The following MAST4 variants were observed in gnomAD, a reference collection of about 807,000 sequenced individuals.
MAST4 encodes microtubule-associated serine/threonine-protein kinase 4.
A neutral mutation model predicts 162.7 loss-of-function variants in MAST4; 89 were observed. The ratio of observed to expected loss-of-function variants is 0.55; its 90% CI spans 0.46 to 0.65. MAST4 has a LOEUF of 0.65. Among genes scored for constraint, MAST4 ranks in the 30% least tolerant of loss-of-function variants. MAST4 has a pLI of 0.00. For missense variants in MAST4, 3,153 were observed against 3,374.0 expected, an observed-to-expected ratio of 0.93 and a Z score of 1.62; for synonymous variants, 1,479 against 1,361.1, an observed-to-expected ratio of 1.09 and a Z score of -1.91.
At position 67,164,040 on chromosome 5, in the gene MAST4, T is replaced by A. The variant is rs1306318788; in HGVS notation, c.4861T>A (p.Ser1621Thr). The change falls in exon 29 of 29, where the codon TCG becomes ACG. Residue 1621 changes from serine (S) to threonine (T), a missense_variant. Ser to Thr is a moderately conservative substitution (Grantham distance 58). Transcript: ENST00000403625. This position sits in a 1 kb window ranked among gnomAD's most constrained non-coding sequence, Gnocchi z 5.3. The stretch of plus-strand genomic sequence containing the variant: ...CGTGCGCGCCAGCGAGGGTGCGATG[T>A]CGGATGGCCGGGTGCCTGCGGAGCA... ...ASVRASEGAM[S>T]DGRVPAEHRQ... The A allele has an allele frequency of 1.3e-5, 20 of 1,579,924 alleles. No individual in the cohort carries two copies. Among genetic ancestry groups the A allele is most frequent in the Admixed American group, 1.8e-5 (1 of 54,764 alleles).
chr5:66,616,390 A>T (rs753720623), intron 1 of MAST4, among the ~76,000 whole-genome samples: 2 of 152,186 alleles, frequency 1.3e-5, no homozygotes, highest in Non-Finnish European at 2.9e-5. Flanking sequence ...AATAATACAT[A>T]GGAATTAGTT....
At chr5:66,800,522 C>G (rs892206725) in intron 3 of MAST4, among the ~76,000 whole-genome samples, 1 of 151,894 alleles carries the variant, frequency 6.6e-6, no homozygotes, top group Non-Finnish European at 1.5e-5. Flanking sequence ...GTTGGGAACA[C>G]CAGACACTGG....
intron 3 of MAST4, among the ~76,000 whole-genome samples, chr5:66,867,897 A>T (rs1331054410): frequency 2.0e-5 from 3 of 152,250 alleles, no homozygotes; most frequent in South Asian, 4.1e-4. Context: ...CTGATATCTC[A>T]GTCTGGAATG....
chr5:66,793,630 A>G (rs1488647067), intron 3 of MAST4, among the ~76,000 whole-genome samples: 1 of 152,128 alleles, frequency 6.6e-6, no homozygotes, highest in Non-Finnish European at 1.5e-5. Flanking sequence ...TATTCACTCC[A>G]TTTGTACTTG....
At chr5:66,711,699 G>A (rs1321582121) in intron 1 of MAST4, among the ~76,000 whole-genome samples, 1 of 152,144 alleles carries the variant, frequency 6.6e-6, no homozygotes, top group Admixed American at 6.5e-5. Flanking sequence ...GCTGGGCATG[G>A]TGGTGGGCGT....
chr5:66,963,914 G>T (rs1746330316), intron 4 of MAST4: 2 of 750,054 alleles, frequency 2.7e-6, no homozygotes, highest in Non-Finnish European at 2.5e-6. Context: ...TGGTTGAATT[G>T]TTTACTTGGT....
intron 1 of MAST4, among the ~76,000 whole-genome samples, chr5:66,625,263 C>A (rs1489566491): frequency 1.3e-5 from 2 of 152,104 alleles, no homozygotes; most frequent in Non-Finnish European, 2.9e-5. Context: ...TGGGAGAAAA[C>A]CTACCTCTGT....
intron 4 of MAST4, among the ~76,000 whole-genome samples, chr5:66,960,935 T>G (rs963533992): frequency 6.6e-6 from 1 of 152,186 alleles, no homozygotes. Context: ...CTTTGGATGT[T>G]GTTTTGGTAT....
chr5:66,842,787 C>T (rs900409760), intron 3 of MAST4, among the ~76,000 whole-genome samples: 2 of 152,108 alleles, frequency 1.3e-5, no homozygotes, highest in Non-Finnish European at 2.9e-5. Flanking sequence ...TACAGACTAG[C>T]TTAGAGATTC....
rs540419998 is a variant in MAST4, at chr5:66,830,750, T to G, written c.642+41956T>G. Among the ~76,000 whole-genome samples the G allele has an allele frequency of 2.1e-4, 32 of 152,192 alleles. 1 individual carries two copies. Among genetic ancestry groups the G allele is most frequent in the Non-Finnish European group, 1.2e-4 (8 of 68,028 alleles). The stretch of plus-strand genomic sequence containing the variant: ...TTTAGAAATTCCACTGTAGGGAAAC[T>G]ATTTACAGAATACACACTTTATGTA... On this transcript the variant is annotated intron_variant, in intron 3 of 28. Coordinates refer to ENST00000403625, the MANE Select transcript of MAST4 (RefSeq NM_001164664.2).
chr5:66,765,500 T>C (rs1421916770), intron 2 of MAST4, among the ~76,000 whole-genome samples: 1 of 152,188 alleles, frequency 6.6e-6, no homozygotes, highest in Non-Finnish European at 1.5e-5. Context: ...TCAATATTTA[T>C]GTTTTTTCCG....
At chr5:67,094,960 ACT>A (rs1764275290) in intron 6 of MAST4, among the ~76,000 whole-genome samples, 1 of 152,028 alleles carries the variant, frequency 6.6e-6, no homozygotes, top group African/African-American at 2.4e-5. Flanking sequence ...ATGCTCAAAG[ACT>A]CTGCAGGAGG....
chr5:66,629,804 A>T (rs186130108), intron 1 of MAST4, among the ~76,000 whole-genome samples: 6 of 152,334 alleles, frequency 3.9e-5, no homozygotes, highest in Admixed American at 3.9e-4. Flanking sequence ...AAAGATGTCT[A>T]TGAGTGGTTA....
intron 3 of MAST4, among the ~76,000 whole-genome samples, chr5:66,795,839 GA>G (rs1309144978): frequency 6.6e-6 from 1 of 152,190 alleles, no homozygotes; most frequent in Admixed American, 6.5e-5. Flanking sequence ...CCACAGCTCA[GA>G]ATTTTTTTTC....
intron 12 of MAST4, 34 bp downstream of exon 12, chr5:67,114,253 G>T: frequency 6.3e-7 from 1 of 1,590,178 alleles, no homozygotes; most frequent in Non-Finnish European, 8.5e-7. Flanking sequence ...CTTTGACTTT[G>T]CTTATGCACT....
At chr5:66,732,523 A>C (rs1423786221) in intron 1 of MAST4, among the ~76,000 whole-genome samples, 17 of 152,088 alleles carry the variant, frequency 1.1e-4, no homozygotes. Context: ...AGCACTGATC[A>C]CTTTGTGCTA....
intron 4 of MAST4, among the ~76,000 whole-genome samples, chr5:66,998,216 A>G (rs1345271118): frequency 6.6e-6 from 1 of 152,240 alleles, no homozygotes; most frequent in East Asian, 1.9e-4. Flanking sequence ...TAATTGCACT[A>G]TAATTCATGC....
chr5:66,775,986 A>T (rs543675362), intron 2 of MAST4, among the ~76,000 whole-genome samples: 22 of 152,346 alleles, frequency 1.4e-4, no homozygotes, highest in Admixed American at 4.6e-4. Context: ...AATCTACTGG[A>T]ATAGACCTAG....
intron 1 of MAST4, among the ~76,000 whole-genome samples, chr5:66,614,219 A>G (rs1410016519): frequency 6.6e-6 from 1 of 152,184 alleles, no homozygotes; most frequent in Non-Finnish European, 1.5e-5. Flanking sequence ...ATAACTATGA[A>G]AGCAGTCCGT....
Sources: allele counts gnomAD v4.1 joint callset (sites outside exome capture counted in the v4.1 genomes callset), GRCh38; gene constraint gnomAD v4.1.1; non-coding constraint Gnocchi (gnomAD v3.1); transcripts MANE v1.5; gene names NCBI Gene and HGNC (gene_info 2026-07-23, HGNC 2026-07-21).